The following PRKACB variants were observed in gnomAD, a reference collection of about 807,000 sequenced individuals.
PRKACB encodes the protein protein kinase cAMP-activated catalytic subunit beta, also known as cAMP-dependent protein kinase catalytic subunit beta.
PRKACB carries 16 observed loss-of-function variants against 51.4 expected under a neutral mutation model. The ratio of observed to expected loss-of-function variants is 0.31; its 90% confidence interval spans 0.21 to 0.47. The LOEUF is 0.47. PRKACB is among the 20% of genes least tolerant of loss of function. The probability of loss-of-function intolerance (pLI) is 1.00; values close to 1 mark genes in which losing one functional copy is unlikely to be tolerated. For missense variants in PRKACB, 309 were observed against 464.5 expected (o/e 0.67, Z 3.08); for synonymous variants, 147 against 154.4 (o/e 0.95, Z 0.35).
chr1:84,228,046 T>C (rs1019344142), intron 9 of PRKACB, among the ~76,000 whole-genome samples: 4 of 152,202 alleles, frequency 2.6e-5, no homozygotes, highest in African/African-American at 4.8e-5. Context: ...AACTGTCTGC[T>C]TAGCTCATTC....
At chr1:84,211,656 G>A (rs1038347157) in intron 8 of PRKACB, among the ~76,000 whole-genome samples, 4 of 152,124 alleles carry the variant, frequency 2.6e-5, no homozygotes, top group African/African-American at 9.7e-5. Flanking sequence ...TAAGTACCCT[G>A]AAGTCAGTGT....
intron 1 of PRKACB, chr1:84,085,914 C>T: frequency 1.5e-6 from 1 of 665,142 alleles, no homozygotes; most frequent in East Asian, 2.5e-5. Flanking sequence ...CCAGCATCTC[C>T]TCAATGACCA....
intron 1 of PRKACB, among the ~76,000 whole-genome samples, chr1:84,102,367 A>G (rs1244586742): frequency 1.3e-5 from 2 of 152,156 alleles, no homozygotes; most frequent in Non-Finnish European, 2.9e-5. Context: ...AGCCTAGGCG[A>G]CAGAGCGAGA....
Position 84,185,252 on chromosome 1 carries a change from G to A in PRKACB, c.560+70G>A, listed in dbSNP as rs1664743790. The A allele has an allele frequency of 2.6e-6, 3 of 1,147,048 alleles. No individual in the cohort carries two copies. The African/African-American group carries it at 5.0e-5, about 19-fold the overall frequency. 71.1% of individuals were successfully genotyped at this position (1,147,048 alleles called of 1,614,324 possible). A position where few individuals can be genotyped will look rare whatever the true frequency, so the allele number is the denominator to read the frequency against. ...TGTTTAACCAGATTTTTAAGTTGAT[G>A]CCAATGCCAAAAACTTATTTTGTTT... On this transcript the variant is annotated intron_variant, in intron 5 of 9. Coordinates refer to ENST00000370685, the MANE Select transcript of PRKACB (RefSeq NM_182948.4).
chr1:84,194,321 C>A (rs991273880), intron 5 of PRKACB, among the ~76,000 whole-genome samples: 6 of 152,176 alleles, frequency 3.9e-5, no homozygotes, highest in African/African-American at 1.4e-4. Context: ...AAAAGGATAG[C>A]AAGTTGATTG....
At chr1:84,147,493 C>T (rs1654261771) in intron 1 of PRKACB, among the ~76,000 whole-genome samples, 1 of 151,972 alleles carries the variant, frequency 6.6e-6, no homozygotes, top group Non-Finnish European at 1.5e-5. Context: ...TCAATTTCTA[C>T]TCATTTGGTA....
chr1:84,158,561 T>A (rs1416900560), intron 1 of PRKACB, among the ~76,000 whole-genome samples: 3 of 152,186 alleles, frequency 2.0e-5, no homozygotes, highest in African/African-American at 7.2e-5. Flanking sequence ...CTTTGTATAT[T>A]CTGAACTAAG....
chr1:84,145,479 C>A (rs572284190), intron 1 of PRKACB, among the ~76,000 whole-genome samples: 21 of 152,068 alleles, frequency 1.4e-4, no homozygotes, highest in Non-Finnish European at 2.8e-4. Context: ...ACAACCACAA[C>A]AGCAAAATCA....
chr1:84,118,095 T>G (rs1181252895), intron 1 of PRKACB, among the ~76,000 whole-genome samples: 1 of 152,120 alleles, frequency 6.6e-6, no homozygotes, highest in Non-Finnish European at 1.5e-5. Context: ...GTAAAGGAGT[T>G]CTACTGAGGT....
chr1:84,219,471 A>G (rs1673367015), intron 9 of PRKACB, among the ~76,000 whole-genome samples: 1 of 151,884 alleles, frequency 6.6e-6, no homozygotes, highest in African/African-American at 2.4e-5. Flanking sequence ...TCAGCCTCCC[A>G]AAGTGCTGGG....
chr1:84,175,948 A>T (rs1281976199), intron 1 of PRKACB: 1 of 617,270 alleles, frequency 1.6e-6, no homozygotes, highest in Admixed American at 3.9e-5. Flanking sequence ...TACTTTGTTC[A>T]ATTATTTACC....
chr1:84,168,625 G>A (rs987082981), intron 1 of PRKACB, among the ~76,000 whole-genome samples: 8 of 151,490 alleles, frequency 5.3e-5, no homozygotes, highest in Non-Finnish European at 1.2e-4. Flanking sequence ...AATTAAAGAT[G>A]GTTATTTGCC....
chr1:84,096,681 A>AAT (rs767315776), intron 1 of PRKACB, among the ~76,000 whole-genome samples: 5 of 152,076 alleles, frequency 3.3e-5, no homozygotes, highest in Non-Finnish European at 7.4e-5. Flanking sequence ...ATGTTATTTT[A>AAT]ACAAGAGTTT....
chr1:84,205,835 T>G (rs1012499410), intron 8 of PRKACB, among the ~76,000 whole-genome samples: 3 of 152,134 alleles, frequency 2.0e-5, no homozygotes, highest in Admixed American at 6.6e-5. Context: ...GGTATTTAAA[T>G]GTCACATTAT....
At chr1:84,097,878 C>T (rs1284664073) in intron 1 of PRKACB, among the ~76,000 whole-genome samples, 1 of 152,126 alleles carries the variant, frequency 6.6e-6, no homozygotes, top group Non-Finnish European at 1.5e-5. Context: ...TAATGCTCAT[C>T]CACATTATTA....
intron 1 of PRKACB, among the ~76,000 whole-genome samples, chr1:84,114,402 GAGA>G (rs1459229824): frequency 4.6e-5 from 7 of 151,994 alleles, no homozygotes; most frequent in Non-Finnish European, 8.8e-5. Flanking sequence ...TCTAAGGGCA[GAGA>G]AGGAGAATCA....
intron 1 of PRKACB, among the ~76,000 whole-genome samples, chr1:84,079,952 T>C (rs1647394242): frequency 6.6e-6 from 1 of 152,144 alleles, no homozygotes; most frequent in African/African-American, 2.4e-5. Context: ...AGGCGTGAGC[T>C]ACCGTGCGTG....
At chr1:84,104,519 A>G (rs1229162897) in intron 1 of PRKACB, among the ~76,000 whole-genome samples, 1 of 152,078 alleles carries the variant, frequency 6.6e-6, no homozygotes, top group Non-Finnish European at 1.5e-5. Flanking sequence ...TTGCTGGATT[A>G]TATCTTCTAT....
At chr1:84,105,524 A>G (rs1649668301) in intron 1 of PRKACB, among the ~76,000 whole-genome samples, 1 of 151,922 alleles carries the variant, frequency 6.6e-6, no homozygotes, top group African/African-American at 2.4e-5. Flanking sequence ...CCTAGCATTT[A>G]CAGATAACCA....
Sources: gnomAD v4.1 joint callset for allele counts (sites outside exome capture counted in the v4.1 genomes callset) on GRCh38, gnomAD v4.1.1 for gene constraint, MANE v1.5 for transcripts, NCBI Gene and HGNC (gene_info 2026-07-23, HGNC 2026-07-21) for gene names.